MEGF11: variants seen among roughly 807,000 people sequenced by gnomAD.
MEGF11 encodes the protein multiple EGF like domains 11, also known as multiple epidermal growth factor-like domains protein 11.
Under a neutral mutation model 146.6 loss-of-function variants are expected in MEGF11, and 126 were observed. The ratio of observed to expected loss-of-function variants is 0.86; its 90% CI spans 0.74 to 1.00. The LOEUF (loss-of-function observed/expected upper bound fraction) is 1.00, where lower values mean the gene tolerates loss of function less well. MEGF11 is among the 50% of genes least tolerant of loss of function. The pLI is 0.00. For missense variants in MEGF11, 1,509 were observed against 1,521.2 expected, an observed-to-expected ratio of 0.99 and a Z score of 0.13; for synonymous variants, 532 against 583.4, an observed-to-expected ratio of 0.91 and a Z score of 1.27.
intron 10 of MEGF11, among the ~76,000 whole-genome samples, chr15:65,938,682 A>G (rs1484635565): frequency 6.6e-6 from 1 of 152,126 alleles, no homozygotes; most frequent in Non-Finnish European, 1.5e-5. Context: ...AGGCCTGTTA[A>G]TTATAGATGC....
chr15:65,934,354 C>T (rs373257024), intron 10 of MEGF11, among the ~76,000 whole-genome samples: 6 of 152,178 alleles, frequency 3.9e-5, no homozygotes, highest in East Asian at 1.9e-4. Context: ...CGGGTTCAAG[C>T]GATTCTCCTG....
intron 1 of MEGF11, among the ~76,000 whole-genome samples, chr15:66,181,704 C>T (rs922024656): frequency 1.3e-5 from 2 of 152,146 alleles, no homozygotes; most frequent in African/African-American, 4.8e-5. Flanking sequence ...CTACAGACCA[C>T]CCTTGGGAAC....
chr15:66,156,830 C>T (rs1342318587), intron 1 of MEGF11, among the ~76,000 whole-genome samples: 1 of 152,186 alleles, frequency 6.6e-6, no homozygotes, highest in Non-Finnish European at 1.5e-5. Flanking sequence ...CCAATTTCCT[C>T]TGTACTGAGA....
At chr15:66,097,353 G>C (rs2086597988) in intron 4 of MEGF11, among the ~76,000 whole-genome samples, 1 of 152,156 alleles carries the variant, frequency 6.6e-6, no homozygotes, top group Admixed American at 6.5e-5. Flanking sequence ...TATGCCAGCA[G>C]CTGGCAGCCC....
intron 4 of MEGF11, among the ~76,000 whole-genome samples, chr15:66,100,648 A>G (rs947864094): frequency 4.6e-5 from 7 of 152,204 alleles, no homozygotes; most frequent in Non-Finnish European, 7.3e-5. Context: ...TGCCTGGCAC[A>G]TGGGAACCTC....
intron 4 of MEGF11, among the ~76,000 whole-genome samples, chr15:66,104,691 A>G (rs1280067478): frequency 6.6e-6 from 1 of 152,200 alleles, no homozygotes; most frequent in East Asian, 1.9e-4. Flanking sequence ...TACATTACAG[A>G]TAAGAAGCTA....
intron 1 of MEGF11, among the ~76,000 whole-genome samples, chr15:66,199,106 G>A (rs963190064): frequency 6.6e-6 from 1 of 152,068 alleles, no homozygotes; most frequent in African/African-American, 2.4e-5. Context: ...GTTCTCCAAA[G>A]GGGCAAAGGG....
chr15:65,922,837 G>T lies in MEGF11; in HGVS notation c.1808C>A (p.Pro603His), dbSNP rs764049024. ...SCECAPGFRG[P>H]LCQRICPPGF... is the part of the protein sequence containing the mutation. The stretch of plus-strand genomic sequence containing the variant: ...ATTAGCCTTACTTCTCTGGCATAAG[G>T]GTCCTCGGAAGCCAGGGGCACACTC... Residue 603 changes from proline (P) to histidine (H), a missense_variant, in exon 14 of 26, where the codon CCC becomes CAC. Coordinates refer to ENST00000395614, the MANE Select transcript of MEGF11 (RefSeq NM_001385028.1). 2 of 1,613,850 alleles carry T rather than the reference G, an allele frequency of 1.2e-6. No individual in the cohort carries two copies. The highest frequency in any genetic ancestry group is 1.1e-5 in the South Asian group (1 of 91,066).
chr15:66,097,255 C>G (rs893890081), intron 4 of MEGF11, among the ~76,000 whole-genome samples: 1 of 152,214 alleles, frequency 6.6e-6, no homozygotes, highest in Non-Finnish European at 1.5e-5. Context: ...TGTTTGGACA[C>G]CTGGTGGGGA....
chr15:66,149,860 C>G (rs1204721323), intron 1 of MEGF11, among the ~76,000 whole-genome samples: 1 of 152,214 alleles, frequency 6.6e-6, no homozygotes, highest in Non-Finnish European at 1.5e-5. Flanking sequence ...ATGGCCACAC[C>G]AGGGCTTCCC....
chr15:65,950,618 C>G (rs867085105), intron 10 of MEGF11, among the ~76,000 whole-genome samples: 30 of 94,840 alleles, frequency 3.2e-4, no homozygotes, highest in Middle Eastern at 5.3e-3. Context: ...CACACACACA[C>G]ACACACACAA....
At position 65,922,860 on chromosome 15, in the gene MEGF11, C is replaced by T; in HGVS notation, c.1785G>A (p.Glu595=). 1 of 1,613,808 alleles carries T rather than the reference C, an allele frequency of 6.2e-7. No individual in the cohort carries two copies. The highest frequency in any genetic ancestry group is 8.5e-7 in the Non-Finnish European group (1 of 1,179,854). The change falls in exon 14 of 26, where the codon GAG becomes GAA. Residue 595 remains glutamate, a synonymous_variant. Transcript: ENST00000395614. ...GSCSPEDGSC[E]CAPGFRGPLC... ...AGGGTCCTCGGAAGCCAGGGGCACA[C>T]TCGCAGCTCCCATCCTCTGGGGAGC...
chr15:65,968,753 A>G (rs2081200909), intron 8 of MEGF11, among the ~76,000 whole-genome samples: 1 of 152,192 alleles, frequency 6.6e-6, no homozygotes, highest in Non-Finnish European at 1.5e-5. Context: ...TGTGTCCAAT[A>G]TTGCCATTAA....
At chr15:66,167,396 C>A (rs543006874) in intron 1 of MEGF11, among the ~76,000 whole-genome samples, 1 of 151,786 alleles carries the variant, frequency 6.6e-6, no homozygotes, top group Admixed American at 6.6e-5. Flanking sequence ...AATCCCAGCA[C>A]TTTGGGAGGC....
rs3221608 is a variant in MEGF11 at position 66,160,664 on chromosome 15, GACACAC to G, written c.-8-32259_-8-32254del. On this transcript the variant is annotated intron_variant, in intron 1 of 25. Transcript: ENST00000395614. ...CAGGCACTGCTCTAGGCCCTAAGGG[GACACAC>G]ACACACACACACACACACACACACA... Among the ~76,000 whole-genome samples, 89 of 137,612 alleles carry G rather than the reference GACACAC, an allele frequency of 6.5e-4. 1 individual carries two copies. Among genetic ancestry groups the G allele is most frequent in the East Asian group, 4.2e-3 (20 of 4,726 alleles). 90.3% of individuals were successfully genotyped at this position (137,612 alleles called of 152,430 possible).
At chr15:66,248,528 T>C (rs1184356043) in intron 1 of MEGF11, among the ~76,000 whole-genome samples, 3 of 152,258 alleles carry the variant, frequency 2.0e-5, no homozygotes, top group Non-Finnish European at 4.4e-5. Context: ...TTAATTGATC[T>C]TCCCCTTGCT....
At chr15:66,136,450 C>G (rs1027521111) in intron 1 of MEGF11, among the ~76,000 whole-genome samples, 1 of 152,156 alleles carries the variant, frequency 6.6e-6, no homozygotes, top group Non-Finnish European at 1.5e-5. Flanking sequence ...AACAGAAGAG[C>G]CTGGCTGTCA....
At chr15:65,914,412 T>C (rs115646434) in intron 19 of MEGF11, among the ~76,000 whole-genome samples, 1,671 of 152,204 alleles carry the variant, frequency 0.011, 36 homozygotes, top group African/African-American at 0.038. Context: ...GCTTCCTAAT[T>C]GTGTGGCTCA....
chr15:65,944,614 C>G (rs2080123221), intron 10 of MEGF11, among the ~76,000 whole-genome samples: 2 of 152,086 alleles, frequency 1.3e-5, no homozygotes, highest in South Asian at 2.1e-4. Flanking sequence ...AGAGGGCCCC[C>G]TAGAGCAGGT....
Sources: gnomAD v4.1 joint callset for allele counts (sites outside exome capture counted in the v4.1 genomes callset) on GRCh38, gnomAD v4.1.1 for gene constraint, MANE v1.5 for transcripts, NCBI Gene and HGNC (gene_info 2026-07-23, HGNC 2026-07-21) for gene names.